MYOM2: variants seen among roughly 807,000 people sequenced by gnomAD.
The protein encoded by MYOM2 is myomesin-2.
A neutral mutation model predicts 187.6 loss-of-function variants in MYOM2; 254 were observed. The ratio of observed to expected loss-of-function variants is 1.35; its 90% CI spans 1.22 to 1.50. The LOEUF (loss-of-function observed/expected upper bound fraction) is 1.50, where lower values mean the gene tolerates loss of function less well. MYOM2 is among the 40% of genes most tolerant of loss of function. The pLI is 0.00. For synonymous variants in MYOM2, 981 were observed against 753.8 expected, an observed-to-expected ratio of 1.30 and a Z score of -4.94; for missense variants, 2,796 against 1,924.0, an observed-to-expected ratio of 1.45 and a Z score of -8.48.
rs370882228 is a variant in MYOM2, at chr8:2,101,373, A to C, written c.2619+319A>C. Among the ~76,000 whole-genome samples the C allele has an allele frequency of 1.8e-4, 27 of 152,278 alleles. No individual in the cohort carries two copies. The East Asian group carries it at 4.6e-3, about 26-fold the overall frequency. The stretch of plus-strand genomic sequence containing the variant: ...GTCTCAAAAACAAAACACACACACA[A>C]AAATAAAACAAACTAACCACAAAAA... On this transcript the variant is annotated intron_variant, in intron 20 of 36. Transcript: ENST00000262113.
chr8:2,075,757 A>C (rs774943595), intron 10 of MYOM2, among the ~76,000 whole-genome samples: 7 of 152,212 alleles, frequency 4.6e-5, no homozygotes, highest in Non-Finnish European at 7.3e-5. Flanking sequence ...GAAATAGAAG[A>C]GTATCTCAGG....
At chr8:2,058,877 A>G (rs1333030130) in intron 5 of MYOM2, among the ~76,000 whole-genome samples, 4 of 152,210 alleles carry the variant, frequency 2.6e-5, no homozygotes, top group Non-Finnish European at 4.4e-5. Flanking sequence ...TTATGGAATG[A>G]CAAGTCCTGA....
rs772719654 is a variant in MYOM2, at chr8:2,096,345, A to G, written c.2224A>G (p.Ile742Val). 6.2e-7 allele frequency: 1 copy of G among 1,614,058 alleles called. No individual in the cohort carries two copies. The highest frequency in any genetic ancestry group is 2.2e-5 in the East Asian group (1 of 44,868). The change falls in exon 18 of 37, where the codon ATC (isoleucine) becomes GTC (valine). Residue 742 changes from isoleucine to valine, a missense_variant. Transcript: ENST00000262113. ...CCCGAAATTCAGTGGTGGCTCGCCC[A>G]TCCTGGGCTACTACCTGGACAAGCG... ...KVPKFSGGSP[I>V]LGYYLDKREV...
At chr8:2,089,267 A>G (rs1422860203) in intron 14 of MYOM2, among the ~76,000 whole-genome samples, 1 of 23,706 alleles carries the variant, frequency 4.2e-5, no homozygotes, top group Non-Finnish European at 1.6e-4. Context: ...AAAATTAAAC[A>G]AGCAGTATAT....
chr8:2,093,962 T>C lies in MYOM2; in HGVS notation c.2004-8T>C, dbSNP rs1354646388. ...GGCAGTTCTGACCCTGATCCCTGTGTTTCTCAGGTTCGTGGTGCACGGCTT... is the reference window on the plus strand; with the variant it reads ...GGCAGTTCTGACCCTGATCCCTGTGCTTCTCAGGTTCGTGGTGCACGGCTT... On this transcript the variant is annotated splice_region_variant and splice_polypyrimidine_tract_variant and intron_variant, in intron 16 of 36. Transcript: ENST00000262113. The C allele has an allele frequency of 1.9e-6, 3 of 1,613,820 alleles. No homozygotes were observed. The highest frequency in any genetic ancestry group is 1.7e-5 in the Admixed American group (1 of 59,996).
chr8:2,076,220 C>G lies in MYOM2; in HGVS notation c.1200C>G (p.Ile400Met). 9.9e-6 allele frequency: 16 copies of G among 1,613,660 alleles called. No individual in the cohort carries two copies. The highest frequency in any genetic ancestry group is 1.3e-5 in the Non-Finnish European group (15 of 1,179,926). ...ACGACGCCAACCGGGACTACGTCAT[C>G]GTGACCTGGAAGCCGCCCAACACCA... Reference protein sequence around the residue: ...QCHDANRDYVIVTWKPPNTTT... With the variant: ...QCHDANRDYVMVTWKPPNTTT... The change falls in exon 11 of 37, where the codon ATC (isoleucine) becomes ATG (methionine). Residue 400 changes from isoleucine to methionine, a missense_variant. Coordinates refer to ENST00000262113, the MANE Select transcript of MYOM2 (RefSeq NM_003970.4).
intron 18 of MYOM2, among the ~76,000 whole-genome samples, chr8:2,098,608 G>A (rs1796575431): frequency 6.6e-6 from 1 of 152,158 alleles, no homozygotes; most frequent in Admixed American, 6.5e-5. Flanking sequence ...CCGCAGGAGT[G>A]GGATTGAGTG....
chr8:2,065,861 G>A (rs998087677), intron 6 of MYOM2, among the ~76,000 whole-genome samples: 2 of 151,802 alleles, frequency 1.3e-5, no homozygotes, highest in African/African-American at 4.8e-5. Context: ...GTGATGAGCT[G>A]AGTCTACACT....
Position 2,072,354 on chromosome 8 carries a change from C to A in MYOM2, c.803C>A (p.Ser268Ter), listed in dbSNP as rs1428815036. ...CATCGTTTCTGTGCAGTGCCCCTGT[C>A]ATCGATGATTCCGTACACGCACTTC... ...SVGLPIGLPL[S>*]SMIPYTHFDV... The change falls in exon 9 of 37, where the codon TCA (serine) becomes TAA (stop). Residue 268 changes from serine to a stop codon, truncating the protein, a stop_gained. Transcript: ENST00000262113. LOFTEE classifies it high-confidence loss of function. The A allele has an allele frequency of 6.2e-7, 1 of 1,613,516 alleles. No individual in the cohort carries two copies. The highest frequency in any genetic ancestry group is 1.3e-5 in the African/African-American group (1 of 74,980).
intron 3 of MYOM2, among the ~76,000 whole-genome samples, chr8:2,055,424 A>G (rs539730680): frequency 2.6e-5 from 4 of 152,254 alleles, no homozygotes; most frequent in African/African-American, 9.6e-5. Context: ...GTTGGGAGGA[A>G]TCTACCCCAG....
At chr8:2,095,723 G>A (rs1017756861) in intron 17 of MYOM2, among the ~76,000 whole-genome samples, 1 of 152,204 alleles carries the variant, frequency 6.6e-6, no homozygotes. Context: ...CCTGTTAGGA[G>A]AAGGCGGTCC....
chr8:2,131,479 A>T (rs913676555), intron 32 of MYOM2, among the ~76,000 whole-genome samples: 9 of 151,970 alleles, frequency 5.9e-5, no homozygotes, highest in Non-Finnish European at 1.2e-4. Flanking sequence ...GGCACAGCTC[A>T]TGCATCTGAC....
intron 23 of MYOM2, among the ~76,000 whole-genome samples, chr8:2,108,328 G>A (rs1245312797): frequency 1.3e-5 from 2 of 150,632 alleles, no homozygotes; most frequent in African/African-American, 4.9e-5. Context: ...CTATAGTGAT[G>A]AAATGAGCGG....
Position 2,123,576 on chromosome 8 carries a change from G to C in MYOM2, c.3589G>C (p.Glu1197Gln). The C allele has an allele frequency of 6.2e-7, 1 of 1,614,128 alleles. No homozygotes were observed. The highest frequency in any genetic ancestry group is 8.5e-7 in the Non-Finnish European group (1 of 1,179,978). Residue 1197 changes from glutamate to glutamine, a missense_variant, in exon 30 of 37, where the codon GAA (glutamate) becomes CAA (glutamine). Glu to Gln is a conservative substitution (Grantham distance 29, BLOSUM62 2). Transcript: ENST00000262113. ...GTAGTTGTCAAAGAAGGACCACGGT[G>C]AATACAAGGCAACCTTGAAAGATGA... is the stretch of plus-strand genomic sequence containing the variant. ...IPKLSKKDHG[E>Q]YKATLKDDRG...
At chr8:2,107,853 C>T (rs1198073057) in intron 23 of MYOM2, among the ~76,000 whole-genome samples, 2 of 152,198 alleles carry the variant, frequency 1.3e-5, no homozygotes, top group South Asian at 2.1e-4. Context: ...TGCACCATTT[C>T]AAAGTTTCCA....
At chr8:2,067,557 A>G (rs913352410) in intron 6 of MYOM2, among the ~76,000 whole-genome samples, 1 of 152,214 alleles carries the variant, frequency 6.6e-6, no homozygotes, top group Middle Eastern at 3.4e-3. Context: ...CTTGGTGTTG[A>G]GTAAAAGCTC....
At position 2,085,364 on chromosome 8, in the gene MYOM2, GA is replaced by G. The variant is rs1317280263; in HGVS notation, c.1619del (p.Asp540AlafsTer26). 10 of 1,613,088 alleles carry G rather than the reference GA, an allele frequency of 6.2e-6. No individual in the cohort carries two copies. Among genetic ancestry groups the G allele is most frequent in the Non-Finnish European group, 7.6e-6 (9 of 1,179,768 alleles). On this transcript the variant is annotated frameshift_variant, in exon 14 of 37. Coordinates refer to ENST00000262113, the MANE Select transcript of MYOM2 (RefSeq NM_003970.4). LOFTEE classifies it high-confidence loss of function. ...SWEPPTPRGK[D>X]PLMYFIEKSV... ...GGAGCCACCCACTCCCCGTGGCAAG[GA>G]CCCGCTCATGTACTTCATTGAGAAG...
At chr8:2,078,675 A>G (rs1819515797) in intron 11 of MYOM2, 59 bp from the exon 12 acceptor site, 1 of 1,506,780 alleles carries the variant, frequency 6.6e-7, no homozygotes, top group Non-Finnish European at 9.2e-7. Flanking sequence ...ATACCTATGT[A>G]TATTTAGTAG....
At chr8:2,115,510 A>G (rs1008273712) in intron 25 of MYOM2, among the ~76,000 whole-genome samples, 2 of 152,254 alleles carry the variant, frequency 1.3e-5, no homozygotes, top group Admixed American at 6.5e-5. Flanking sequence ...GGACCACAGC[A>G]GGCTGGGGCT....
Sources: allele counts gnomAD v4.1 joint callset (sites outside exome capture counted in the v4.1 genomes callset), GRCh38; gene constraint gnomAD v4.1.1; transcripts MANE v1.5; gene names NCBI Gene and HGNC (gene_info 2026-07-23, HGNC 2026-07-21).